NYAP2: variants seen among roughly 807,000 people sequenced by gnomAD.
NYAP2 encodes neuronal tyrosine-phosphorylated phosphoinositide-3-kinase adaptor 2, also known as neuronal tyrosine-phosphorylated phosphoinositide-3-kinase adapter 2.
In NYAP2, 23 loss-of-function variants were observed where a neutral mutation model predicts 50.4. The observed-to-expected ratio is 0.46, with a 90% CI of 0.33 to 0.65. NYAP2 has a LOEUF of 0.65. Ranked by LOEUF, NYAP2 falls within the 30% of genes least tolerant of loss-of-function variation. The pLI is 0.02. For missense variants in NYAP2, 885 were observed against 861.0 expected, an observed-to-expected ratio of 1.03 and a Z score of -0.35; for synonymous variants, 394 against 365.2, an observed-to-expected ratio of 1.08 and a Z score of -0.90.
chr2:225,672,815 T>TGGGG, the NYAP2 span, among the ~76,000 whole-genome samples: 2 of 132,062 alleles, frequency 1.5e-5, no homozygotes, highest in East Asian at 4.6e-4. Context: ...GAGGAAGAGA[T>TGGGG]GGGGGATATT....
intron 3 of NYAP2, among the ~76,000 whole-genome samples, chr2:225,503,631 A>G (rs1162408124): frequency 6.6e-6 from 1 of 152,168 alleles, no homozygotes; most frequent in Non-Finnish European, 1.5e-5. Context: ...ATTATAATTA[A>G]GCATCACATT....
intron 4 of NYAP2, among the ~76,000 whole-genome samples, chr2:225,561,362 T>C (rs1313367506): frequency 6.6e-6 from 1 of 151,686 alleles, no homozygotes; most frequent in Non-Finnish European, 1.5e-5. Context: ...CAGTTAGGAA[T>C]AGGAAGGAAG....
At position 225,512,775 on chromosome 2, in the gene NYAP2, TCTTTTTCC is replaced by T. The variant is rs556797149; in HGVS notation, c.222-593_222-586del. Among the ~76,000 whole-genome samples, 61 of 144,950 alleles carry T rather than the reference TCTTTTTCC, an allele frequency of 4.2e-4. 1 individual carries two copies. The highest frequency in any genetic ancestry group is 8.0e-4 in the Non-Finnish European group (54 of 67,256). On this transcript the variant is annotated intron_variant, in intron 3 of 6. Transcript: ENST00000636099. The stretch of plus-strand genomic sequence containing the variant: ...TCTTTCTTCTTTCTTTCTCTTTTTC[TCTTTTTCC>T]CTCTTTCCCTCCCTCCCTCTCTTTC...
At chr2:225,654,646 T>A (rs1217490640), downstream of NYAP2, among the ~76,000 whole-genome samples, 1 of 152,268 alleles carries the variant, frequency 6.6e-6, no homozygotes, top group East Asian at 1.9e-4. Context: ...ATTGTGCCAC[T>A]GCATTCCACC....
the NYAP2 span, among the ~76,000 whole-genome samples, chr2:225,667,706 G>A: frequency 1.2e-4 from 18 of 152,218 alleles, no homozygotes; most frequent in African/African-American, 3.9e-4. Flanking sequence ...TTACAAAAGA[G>A]GGCATTCTTA....
At chr2:225,413,439 C>T (rs1203872659) in intron 3 of NYAP2, among the ~76,000 whole-genome samples, 1 of 152,168 alleles carries the variant, frequency 6.6e-6, no homozygotes, top group Non-Finnish European at 1.5e-5. Context: ...GTGATCTAGT[C>T]TCAGTACTCA....
chr2:225,572,432 C>A (rs1264377766), intron 4 of NYAP2, among the ~76,000 whole-genome samples: 1 of 152,186 alleles, frequency 6.6e-6, no homozygotes, highest in Non-Finnish European at 1.5e-5. Context: ...GAAGACACCT[C>A]TTCACAGGGG....
the NYAP2 span, among the ~76,000 whole-genome samples, chr2:225,693,201 G>T: frequency 6.6e-6 from 1 of 152,040 alleles, no homozygotes; most frequent in Non-Finnish European, 1.5e-5. Context: ...TAGTCATTGG[G>T]TTTCCTTACC....
At chr2:225,590,272 G>A (rs1446198912) in intron 5 of NYAP2, among the ~76,000 whole-genome samples, 1 of 152,168 alleles carries the variant, frequency 6.6e-6, no homozygotes, top group Admixed American at 6.5e-5. Context: ...AGCTCAGGAG[G>A]GAAATCAAGC....
the NYAP2 span, among the ~76,000 whole-genome samples, chr2:225,685,835 T>C: frequency 2.0e-5 from 3 of 152,176 alleles, no homozygotes; most frequent in Non-Finnish European, 2.9e-5. Flanking sequence ...GATATATAAG[T>C]ATGTTGCATC....
intron 6 of NYAP2, among the ~76,000 whole-genome samples, chr2:225,646,946 G>A (rs987009990): frequency 1.6e-4 from 24 of 152,130 alleles, no homozygotes; most frequent in African/African-American, 5.8e-4. Flanking sequence ...TGTAGTCTGT[G>A]CATTGGAAAT....
chr2:225,427,165 C>T (rs545977713), intron 3 of NYAP2, among the ~76,000 whole-genome samples: 1 of 152,224 alleles, frequency 6.6e-6, no homozygotes, highest in East Asian at 1.9e-4. Context: ...TTTATCCATG[C>T]AACTCCAAAA....
At chr2:225,421,089 A>G (rs1181753328) in intron 3 of NYAP2, among the ~76,000 whole-genome samples, 1 of 151,530 alleles carries the variant, frequency 6.6e-6, no homozygotes, top group African/African-American at 2.4e-5. Context: ...TGCCCAGCTA[A>G]TGGTAGAGAA....
At chr2:225,585,627 A>C (rs1426769356) in intron 5 of NYAP2, among the ~76,000 whole-genome samples, 1 of 152,240 alleles carries the variant, frequency 6.6e-6, no homozygotes, top group Admixed American at 6.5e-5. Flanking sequence ...CATGCCTCTG[A>C]GTTACATTAA....
At chr2:225,589,519 ATATATATAT>A (rs1692455075) in intron 5 of NYAP2, among the ~76,000 whole-genome samples, 2 of 126,548 alleles carry the variant, frequency 1.6e-5, no homozygotes, top group African/African-American at 6.1e-5. Flanking sequence ...AAAGTAAAAT[ATATATATAT>A]ATATATATAT....
chr2:225,430,199 T>A (rs962717628), intron 3 of NYAP2, among the ~76,000 whole-genome samples: 2 of 152,216 alleles, frequency 1.3e-5, no homozygotes, highest in Non-Finnish European at 2.9e-5. Context: ...CTCAAAATAA[T>A]CCTTTCTATT....
intron 3 of NYAP2, among the ~76,000 whole-genome samples, chr2:225,424,348 T>C (rs929633309): frequency 1.1e-4 from 16 of 152,160 alleles, no homozygotes; most frequent in African/African-American, 3.9e-4. Flanking sequence ...ATTTGAACTC[T>C]AATTATCATC....
intron 4 of NYAP2, among the ~76,000 whole-genome samples, chr2:225,544,930 C>T (rs1691545166): frequency 6.6e-6 from 1 of 152,050 alleles, no homozygotes; most frequent in South Asian, 2.1e-4. Flanking sequence ...CTTCTTCATG[C>T]TTGAAGGATA....
intron 3 of NYAP2, among the ~76,000 whole-genome samples, chr2:225,502,049 C>A (rs1309589902): frequency 2.6e-5 from 4 of 152,126 alleles, no homozygotes; most frequent in Non-Finnish European, 5.9e-5. Flanking sequence ...CCTTAAAAGA[C>A]CATGAGTATA....
Sources: gnomAD v4.1 joint callset for allele counts (sites outside exome capture counted in the v4.1 genomes callset) on GRCh38, gnomAD v4.1.1 for gene constraint, MANE v1.5 for transcripts, NCBI Gene and HGNC (gene_info 2026-07-23, HGNC 2026-07-21) for gene names.